The following ABHD12B variants were observed in gnomAD, a reference collection of about 807,000 sequenced individuals.
ABHD12B encodes abhydrolase domain containing 12B.
In ABHD12B, 42 loss-of-function variants were observed where a neutral mutation model predicts 50.4. That is an observed-to-expected ratio of 0.83 (90% CI 0.65 to 1.08). ABHD12B has a LOEUF of 1.08. Ranked by LOEUF, ABHD12B falls within the 50% of genes least tolerant of loss-of-function variation. ABHD12B has a pLI of 0.00. For missense variants in ABHD12B, 479 were observed against 447.7 expected, an observed-to-expected ratio of 1.07 and a Z score of -0.63; for synonymous variants, 167 against 160.3, an observed-to-expected ratio of 1.04 and a Z score of -0.32.
In ABHD12B at chr14:50,885,984, C is replaced by G. The variant is rs190574457; in HGVS notation, c.662+89C>G. On this transcript the variant is annotated intron_variant, in intron 7 of 12. Coordinates refer to ENST00000337334, the MANE Select transcript of ABHD12B (RefSeq NM_001206673.2). The stretch of plus-strand genomic sequence containing the variant: ...CAGCAGCCAGTAGTGGAGGGAGCAC[C>G]GAGCCAGAAGACAGGGACTCTTTGC... 3.2e-6 allele frequency: 5 copies of G among 1,566,626 alleles called. No homozygotes were observed. The East Asian group carries it at 6.8e-5, about 21-fold the overall frequency.
intron 9 of ABHD12B, among the ~76,000 whole-genome samples, chr14:50,900,028 C>T (rs2050245548): frequency 6.6e-6 from 1 of 152,176 alleles, no homozygotes; most frequent in South Asian, 2.1e-4. Context: ...GCTTTGAGCC[C>T]AGGAGTTCAA....
At chr14:50,887,151 T>C (rs556063992) in intron 8 of ABHD12B, among the ~76,000 whole-genome samples, 1 of 125,448 alleles carries the variant, frequency 8.0e-6, no homozygotes, top group East Asian at 2.6e-4. Context: ...GAGGTGGAGG[T>C]TGCAGTAAGC....
rs200952659 is a variant in ABHD12B at position 50,880,472 on chromosome 14, G to A, written c.356G>A (p.Arg119Gln). The change falls in exon 4 of 13, where the codon CGG becomes CAG. Residue 119 changes from arginine (R) to glutamine (Q), a missense_variant. Coordinates refer to ENST00000337334, the MANE Select transcript of ABHD12B (RefSeq NM_001206673.2). ...TTCAGGCACACAGTCCCCAGCTGCC[G>A]GGGGGAAGATGCCAAGGGGAAGGAC... ...LGIWHTVPSC[R>Q]GEDAKGKDCC... The A allele has an allele frequency of 6.6e-5, 106 of 1,605,730 alleles. No individual in the cohort carries two copies. The highest frequency in any genetic ancestry group is 3.2e-4 in the East Asian group (14 of 44,276).
chr14:50,886,739 A>G, intron 8 of ABHD12B, 55 bp downstream of exon 8: 1 of 1,489,134 alleles, frequency 6.7e-7, no homozygotes, highest in South Asian at 1.2e-5. Context: ...GGAAAGTAAA[A>G]ACAGTCAAGA....
Position 50,872,419 on chromosome 14 carries a change from G to A in ABHD12B, c.104+141G>A, listed in dbSNP as rs998889912. On this transcript the variant is annotated intron_variant, in intron 1 of 12. Transcript: ENST00000337334. The stretch of plus-strand genomic sequence containing the variant: ...AGGCCCAGCATTGTGGCTTCCGGGG[G>A]ACCTCGGCGGCCCCCTGAGAACTCT... The A allele has an allele frequency of 7.6e-5, 40 of 528,224 alleles. No homozygotes were observed. In the East Asian group the frequency reaches 9.7e-4, roughly 13 times the overall value. 32.7% of individuals were successfully genotyped at this position (528,224 alleles called of 1,614,324 possible). A position where few individuals can be genotyped will look rare whatever the true frequency, so the allele number is the denominator to read the frequency against.
In ABHD12B at chr14:50,872,099, G is replaced by A. The variant is rs2142708052; in HGVS notation, c.-76G>A. On this transcript the variant is annotated 5_prime_UTR_variant, in exon 1 of 13. Coordinates refer to ENST00000337334, the MANE Select transcript of ABHD12B (RefSeq NM_001206673.2). ...GAGGAGGGCGGGCGCGGTGCCGCCG[G>A]GGCGGGAAGGTCGCGGGCGGCTGCT... 3 of 1,109,620 alleles carry A rather than the reference G, an allele frequency of 2.7e-6. No individual in the cohort carries two copies. Among genetic ancestry groups the A allele is most frequent in the Non-Finnish European group, 2.3e-6 (2 of 886,192 alleles). The allele number at this position is 1,109,620 out of a possible 1,614,324, so 68.7% of individuals were successfully genotyped here.
At chr14:50,877,130 G>A (rs1015084905) in intron 1 of ABHD12B, among the ~76,000 whole-genome samples, 1 of 152,138 alleles carries the variant, frequency 6.6e-6, no homozygotes, top group African/African-American at 2.4e-5. Context: ...CCCACTCCCT[G>A]ACCAGGCTCC....
At chr14:50,901,994 G>C (rs1356122907) in intron 10 of ABHD12B, 83 bp downstream of exon 10, 4 of 811,282 alleles carry the variant, frequency 4.9e-6, no homozygotes, top group Non-Finnish European at 7.7e-6. Context: ...ACTGGATGGT[G>C]ACATGAGACA....
intron 8 of ABHD12B, among the ~76,000 whole-genome samples, 178 bp downstream of exon 8, chr14:50,886,862 T>A (rs1338145856): frequency 6.6e-6 from 1 of 152,124 alleles, no homozygotes; most frequent in Non-Finnish European, 1.5e-5. Flanking sequence ...AAACAAGAGC[T>A]GTTTTTTCAG....
intron 9 of ABHD12B, chr14:50,891,982 T>C (rs1029777576): frequency 1.3e-5 from 2 of 152,236 alleles, no homozygotes; most frequent in Admixed American, 6.5e-5. Flanking sequence ...TTTGTCTTCT[T>C]ATTCAGGATT....
At chr14:50,887,392 C>A (rs1251502710) in intron 8 of ABHD12B, among the ~76,000 whole-genome samples, 1 of 151,738 alleles carries the variant, frequency 6.6e-6, no homozygotes, top group Admixed American at 6.6e-5. Context: ...TCGACCCTAG[C>A]TGATTTGAAG....
chr14:50,886,003 T>C, intron 7 of ABHD12B, 108 bp downstream of exon 7: 1 of 1,471,510 alleles, frequency 6.8e-7, no homozygotes, highest in Non-Finnish European at 9.3e-7. Flanking sequence ...AGACAGGGAC[T>C]CTTTGCTGAT....
chr14:50,890,750 T>A (rs1009232000), intron 9 of ABHD12B, among the ~76,000 whole-genome samples: 4 of 152,200 alleles, frequency 2.6e-5, no homozygotes, highest in Admixed American at 6.5e-5. Context: ...TTGGGGAAAT[T>A]AACAATATTG....
intron 1 of ABHD12B, among the ~76,000 whole-genome samples, chr14:50,873,000 C>A (rs1209624023): frequency 6.6e-6 from 1 of 152,132 alleles, no homozygotes; most frequent in African/African-American, 2.4e-5. Flanking sequence ...TGCACTGAAG[C>A]CAGGTATTGG....
chr14:50,878,149 T>G, intron 2 of ABHD12B, 70 bp downstream of exon 2: 1 of 1,303,534 alleles, frequency 7.7e-7, no homozygotes, highest in Admixed American at 2.8e-5. Context: ...ACCCTTAAAG[T>G]TGTGACGTAG....
At chr14:50,881,707 G>C in intron 5 of ABHD12B, 81 bp downstream of exon 5, 1 of 1,578,962 alleles carries the variant, frequency 6.3e-7, no homozygotes, top group Non-Finnish European at 8.7e-7. Flanking sequence ...CCCTCCGCGT[G>C]GTTGTTTTTT....
rs773029646 is a variant in ABHD12B, at chr14:50,904,178, G to T, written c.1047G>T (p.Leu349=). The T allele has an allele frequency of 2.5e-5, 41 of 1,614,102 alleles. 2 individuals are homozygous for T. In the South Asian group the frequency reaches 4.5e-4, roughly 18 times the overall value. ...ACCTGCTTTGTAAAAGCCCCACACT[G>T]TTAATAACCGTGAGGTAAGAGTTGC... ...QHNLLCKSPT[L]LITVRDFLSK... The change falls in exon 12 of 13, where the codon CTG becomes CTT. Residue 349 remains leucine, a synonymous_variant. Transcript: ENST00000337334.
rs966916314 is a variant in ABHD12B, at chr14:50,885,671, G to T, written c.532+12G>T. The T allele has an allele frequency of 1.2e-6, 2 of 1,614,034 alleles. No individual in the cohort carries two copies. Among genetic ancestry groups the T allele is most frequent in the Admixed American group, 3.3e-5 (2 of 60,010 alleles). On this transcript the variant is annotated intron_variant, in intron 6 of 12. Transcript: ENST00000337334. ...TGTTGACTACAGAGGTATGTGTTAA[G>T]AACGGTGTACAAAGATGTTTCAGTA...
At chr14:50,883,682 G>T (rs1315669842) in intron 5 of ABHD12B, among the ~76,000 whole-genome samples, 4 of 152,262 alleles carry the variant, frequency 2.6e-5, no homozygotes, top group African/African-American at 9.6e-5. Flanking sequence ...GTTAGGACGG[G>T]TGGGGAAGGA....
Sources: gnomAD v4.1 joint callset for allele counts (sites outside exome capture counted in the v4.1 genomes callset) on GRCh38, gnomAD v4.1.1 for gene constraint, MANE v1.5 for transcripts, NCBI Gene and HGNC (gene_info 2026-07-23, HGNC 2026-07-21) for gene names.